Variants in LPCAT2 observed in about 807,000 individuals in gnomAD.
The protein encoded by LPCAT2 is lysophosphatidylcholine acyltransferase 2.
LPCAT2 carries 58 observed loss-of-function variants against 64.7 expected under a neutral mutation model. The observed-to-expected ratio is 0.90, with a 90% CI of 0.73 to 1.12. LPCAT2 has a LOEUF of 1.12. Among genes scored for constraint, LPCAT2 ranks in the 50% most tolerant of loss-of-function variants. The pLI, the probability that LPCAT2 is intolerant of heterozygous loss-of-function variation, is 0.00. For missense variants in LPCAT2, 579 were observed against 669.8 expected, an observed-to-expected ratio of 0.86 and a Z score of 1.50; for synonymous variants, 252 against 245.3, an observed-to-expected ratio of 1.03 and a Z score of -0.26.
Position 55,537,634 on chromosome 16 carries a change from TAA to T in LPCAT2, c.852+3_852+4del. On this transcript the variant is annotated splice_donor_region_variant and intron_variant, in intron 8 of 13. Coordinates refer to ENST00000262134, the MANE Select transcript of LPCAT2 (RefSeq NM_017839.5). ...CTCTTCACAAAGGTAGAAGTTGAGGTAAGTCATTCAAAATGTGGCCTTGGAAC... is the reference window on the plus strand; with the variant it reads ...CTCTTCACAAAGGTAGAAGTTGAGGTGTCATTCAAAATGTGGCCTTGGAAC... The T allele has an allele frequency of 1.2e-6, 2 of 1,613,272 alleles. No homozygotes were observed. Among genetic ancestry groups the T allele is most frequent in the Non-Finnish European group, 1.7e-6 (2 of 1,179,448 alleles).
At chr16:55,519,088 T>TAAACC (rs140606689) in intron 1 of LPCAT2, among the ~76,000 whole-genome samples, 18 of 151,444 alleles carry the variant, frequency 1.2e-4, no homozygotes, top group African/African-American at 4.4e-4. Context: ...AATAAAAAGA[T>TAAACC]AACCCAACTA....
chr16:55,538,383 T>G (rs1963350462), intron 8 of LPCAT2: 1 of 152,144 alleles, frequency 6.6e-6, no homozygotes, highest in African/African-American at 2.4e-5. Flanking sequence ...ACGAAAACCT[T>G]AAGTTTGCCT....
intron 3 of LPCAT2, among the ~76,000 whole-genome samples, chr16:55,529,496 G>A (rs767662305): frequency 4.6e-5 from 7 of 152,054 alleles, no homozygotes; most frequent in Admixed American, 1.3e-4. Context: ...GTGAATTCAC[G>A]TAATCAGTTT....
At position 55,521,808 on chromosome 16, in the gene LPCAT2, A is replaced by C. The variant is rs549249586; in HGVS notation, c.172-3700A>C. ...CAAAATTCAATACCCACTAGTGATAAAAAAAGTTTCTTAGTAAAATAGGGA... is the reference window on the plus strand; with the variant it reads ...CAAAATTCAATACCCACTAGTGATACAAAAAGTTTCTTAGTAAAATAGGGA... On this transcript the variant is annotated intron_variant, in intron 1 of 13. Coordinates refer to ENST00000262134, the MANE Select transcript of LPCAT2 (RefSeq NM_017839.5). 1.9e-4 allele frequency among the ~76,000 whole-genome samples: 29 copies of C among 151,766 alleles called. No individual in the cohort carries two copies. In the South Asian group the frequency reaches 4.1e-3, roughly 22 times the overall value.
intron 1 of LPCAT2, among the ~76,000 whole-genome samples, chr16:55,517,519 A>G (rs1241311603): frequency 1.3e-5 from 2 of 152,130 alleles, no homozygotes; most frequent in Non-Finnish European, 2.9e-5. Flanking sequence ...TGATACCAAA[A>G]CCAAAAAAGG....
chr16:55,574,616 C>G lies in LPCAT2; in HGVS notation c.1216-15C>G. 1 of 1,580,984 alleles carries G rather than the reference C, an allele frequency of 6.3e-7. No individual in the cohort carries two copies. The highest frequency in any genetic ancestry group is 1.1e-5 in the South Asian group (1 of 90,386). On this transcript the variant is annotated splice_polypyrimidine_tract_variant and intron_variant, in intron 11 of 13. Transcript: ENST00000262134. ...CTAGTGGCCCTCCTAATTGATTTAT[C>G]CCATCCTTTCACAGAACCATGATGG...
chr16:55,528,141 A>C (rs1365955707), intron 2 of LPCAT2, among the ~76,000 whole-genome samples: 1 of 152,204 alleles, frequency 6.6e-6, no homozygotes, highest in Non-Finnish European at 1.5e-5. Context: ...CAAAATACCT[A>C]CTTCAAAAGA....
intron 9 of LPCAT2, among the ~76,000 whole-genome samples, chr16:55,548,636 T>C (rs967604885): frequency 2.0e-5 from 3 of 152,114 alleles, no homozygotes; most frequent in African/African-American, 7.2e-5. Flanking sequence ...AGTCCCCCTG[T>C]CTTAGCCTCC....
At chr16:55,545,309 T>C (rs1963440647) in intron 8 of LPCAT2, among the ~76,000 whole-genome samples, 1 of 151,468 alleles carries the variant, frequency 6.6e-6, no homozygotes, top group South Asian at 2.1e-4. Context: ...ATAGAGAAGA[T>C]GAAAGGCAAA....
In LPCAT2 at chr16:55,528,684, T is replaced by A. The variant is rs1963210046; in HGVS notation, c.529+90T>A. 8.7e-6 allele frequency: 8 copies of A among 921,814 alleles called. No homozygotes were observed. The Admixed American group carries it at 1.0e-4, about 12-fold the overall frequency. The allele number at this position is 921,814 out of a possible 1,614,324, so 57.1% of individuals were successfully genotyped here. The stretch of plus-strand genomic sequence containing the variant: ...ATATATAGTTCATTGATAACCTTTT[T>A]AAAAAGTTTAAAATAAACATTTCAA... On this transcript the variant is annotated intron_variant, in intron 3 of 13. Coordinates refer to ENST00000262134, the MANE Select transcript of LPCAT2 (RefSeq NM_017839.5).
rs11335464 is a variant in LPCAT2 at position 55,533,406 on chromosome 16, G to GTTTTTTTTT, written c.762+538_762+546dup. Among the ~76,000 whole-genome samples the GTTTTTTTTT allele has an allele frequency of 4.0e-3, 383 of 96,462 alleles. 11 individuals are homozygous for GTTTTTTTTT. The highest frequency in any genetic ancestry group is 7.0e-3 in the African/African-American group (169 of 24,310). 63.3% of individuals were successfully genotyped at this position (96,462 alleles called of 152,430 possible). On this transcript the variant is annotated intron_variant, in intron 6 of 13. Coordinates refer to ENST00000262134, the MANE Select transcript of LPCAT2 (RefSeq NM_017839.5). ...CTTAACATCTTTTTTTGTTTTTCGG[G>GTTTTTTTTT]TTTTTTTTTTTTTTTTTTTTTTGAG...
intron 1 of LPCAT2, among the ~76,000 whole-genome samples, chr16:55,510,048 G>A (rs1017248938): frequency 2.0e-4 from 29 of 146,346 alleles, no homozygotes; most frequent in Non-Finnish European, 3.3e-4. Context: ...ATGGATAAGA[G>A]TGAGGCAGAA....
chr16:55,551,312 T>C, intron 11 of LPCAT2: 1 of 165,962 alleles, frequency 6.0e-6, no homozygotes, highest in East Asian at 8.9e-5. Context: ...TACTGTCATA[T>C]ATAATAAAAT....
intron 12 of LPCAT2, among the ~76,000 whole-genome samples, chr16:55,577,155 T>A (rs1259379953): frequency 1.3e-5 from 2 of 152,196 alleles, no homozygotes; most frequent in Non-Finnish European, 2.9e-5. Context: ...CCAACTATTG[T>A]ATCCCCTAAC....
At position 55,584,833 on chromosome 16, in the gene LPCAT2, C is replaced by T. The variant is rs189543712; in HGVS notation, c.*1735C>T. 1 of 152,146 alleles carries T rather than the reference C, an allele frequency of 6.6e-6. No homozygotes were observed. The highest frequency in any genetic ancestry group is 1.5e-5 in the Non-Finnish European group (1 of 67,972). The allele number at this position is 152,146 out of a possible 1,614,324, so 9.4% of individuals were successfully genotyped here. A position where few individuals can be genotyped will look rare whatever the true frequency, so the allele number is the denominator to read the frequency against. On this transcript the variant is annotated 3_prime_UTR_variant, in exon 14 of 14. Transcript: ENST00000262134. ...ATCCTTAAGTATATATAATTATTTG[C>T]CTCTTATATGTCTTAAAGCTATTTA... is the stretch of plus-strand genomic sequence containing the variant.
chr16:55,556,203 T>C (rs746261947), intron 11 of LPCAT2, among the ~76,000 whole-genome samples: 1 of 152,220 alleles, frequency 6.6e-6, no homozygotes, highest in African/African-American at 2.4e-5. Context: ...GAGATTTATA[T>C]AGCATTTTCC....
intron 8 of LPCAT2, 96 bp from the exon 9 acceptor site, chr16:55,545,639 A>T: frequency 1.3e-6 from 1 of 769,956 alleles, no homozygotes; most frequent in South Asian, 1.8e-5. Context: ...AGAAAGGTAG[A>T]TGATTCAATA....
intron 1 of LPCAT2, among the ~76,000 whole-genome samples, chr16:55,522,935 CAT>C (rs1236660251): frequency 3.3e-5 from 5 of 151,378 alleles, no homozygotes; most frequent in Admixed American, 6.6e-5. Context: ...AAGAATTAAA[CAT>C]AAAATAAAAA....
intron 11 of LPCAT2, among the ~76,000 whole-genome samples, chr16:55,552,188 T>C (rs1418559011): frequency 1.3e-5 from 2 of 152,242 alleles, no homozygotes; most frequent in Non-Finnish European, 2.9e-5. Flanking sequence ...ATAAATGGAA[T>C]CATACAGTAT....
Sources: gnomAD v4.1 joint callset for allele counts (sites outside exome capture counted in the v4.1 genomes callset) on GRCh38, gnomAD v4.1.1 for gene constraint, MANE v1.5 for transcripts, NCBI Gene and HGNC (gene_info 2026-07-23, HGNC 2026-07-21) for gene names.